Variants in TARBP1 observed in about 807,000 individuals in gnomAD.
TARBP1 encodes tRNA guanosine 2 -O-methyltransferase TARBP1, also known as tRNA (guanosine(18)-2'-O)-methyltransferase TARBP1.
Under a neutral mutation model 178.6 loss-of-function variants are expected in TARBP1, and 144 were observed. The ratio of observed to expected loss-of-function variants is 0.81; its 90% CI spans 0.70 to 0.93. TARBP1 has a LOEUF of 0.93. Among genes scored for constraint, TARBP1 ranks in the 40% least tolerant of loss-of-function variants. The pLI, the probability that TARBP1 is intolerant of heterozygous loss-of-function variation, is 0.00. For missense variants in TARBP1, 2,067 were observed against 2,011.7 expected, an observed-to-expected ratio of 1.03 and a Z score of -0.53; for synonymous variants, 787 against 781.0, an observed-to-expected ratio of 1.01 and a Z score of -0.13.
intron 24 of TARBP1, among the ~76,000 whole-genome samples, chr1:234,403,576 T>C (rs1428135260): frequency 6.6e-6 from 1 of 152,226 alleles, no homozygotes; most frequent in African/African-American, 2.4e-5. Flanking sequence ...AAGAGGCTCA[T>C]CTACCTGGCT....
chr1:234,463,275 C>T (rs1668085552), intron 6 of TARBP1, among the ~76,000 whole-genome samples: 1 of 152,112 alleles, frequency 6.6e-6, no homozygotes, highest in African/African-American at 2.4e-5. Context: ...AGGTACACAC[C>T]ATCATGCCCG....
In TARBP1 at chr1:234,418,939, G is replaced by A. The variant is rs566096741; in HGVS notation, c.3556-706C>T. On this transcript the variant is annotated intron_variant, in intron 21 of 29. Coordinates refer to ENST00000040877, the MANE Select transcript of TARBP1 (RefSeq NM_005646.4). ...TGTAATCCCAGCACTTTGGGAGGCC[G>A]AGGCGGGCGGATCACAAGGTCAGAA... Among the ~76,000 whole-genome samples the A allele has an allele frequency of 9.8e-5, 15 of 152,288 alleles. No homozygotes were observed. In the South Asian group the frequency reaches 1.2e-3, roughly 13 times the overall value.
intron 7 of TARBP1, 118 bp downstream of exon 7, chr1:234,460,143 T>A: frequency 8.5e-7 from 1 of 1,174,434 alleles, no homozygotes; most frequent in Non-Finnish European, 1.2e-6. Flanking sequence ...AGCCCAAACA[T>A]CCCAATCCCA....
At chr1:234,465,379 G>C (rs1421043140) in intron 5 of TARBP1, among the ~76,000 whole-genome samples, 1 of 152,150 alleles carries the variant, frequency 6.6e-6, no homozygotes, top group Non-Finnish European at 1.5e-5. Context: ...AGCAGCAGTA[G>C]GGAGAAGAAA....
At chr1:234,474,904 T>A (rs1461586505) in intron 1 of TARBP1, among the ~76,000 whole-genome samples, 1 of 152,162 alleles carries the variant, frequency 6.6e-6, no homozygotes, top group East Asian at 1.9e-4. Context: ...GCATCAGAAC[T>A]GAGGTCACAA....
rs775156497 is a variant in TARBP1 at position 234,393,438 on chromosome 1, C to T, written c.4484G>A (p.Gly1495Asp). The T allele has an allele frequency of 1.9e-6, 3 of 1,609,938 alleles. No homozygotes were observed. The highest frequency in any genetic ancestry group is 2.7e-5 in the African/African-American group (2 of 74,896). Residue 1495 changes from glycine (G) to aspartate (D), a missense_variant, in exon 28 of 30, where the codon GGC becomes GAC. By Grantham distance (94) the Gly-to-Asp change is moderately conservative (BLOSUM62 -1). Coordinates refer to ENST00000040877, the MANE Select transcript of TARBP1 (RefSeq NM_005646.4). ...EVFGASVLVV[G>D]SLQCISDKQF... Reference sequence around the variant, plus strand: ...TTTGTCGCTGATACACTGAAGGCTGCCAACAACGAGCACTGAAGCCCCAAA... The same window carrying T: ...TTTGTCGCTGATACACTGAAGGCTGTCAACAACGAGCACTGAAGCCCCAAA...
chr1:234,459,627 C>G (rs968185554), intron 7 of TARBP1, among the ~76,000 whole-genome samples: 1 of 152,092 alleles, frequency 6.6e-6, no homozygotes, highest in Non-Finnish European at 1.5e-5. Flanking sequence ...GCCTGGCCAA[C>G]ATGGTGCAAT....
At position 234,391,461 on chromosome 1, in the gene TARBP1, T is replaced by C. The variant is rs1268427827; in HGVS notation, c.*116A>G. The C allele has an allele frequency of 8.2e-7, 1 of 1,219,096 alleles. No individual in the cohort carries two copies. Among genetic ancestry groups the C allele is most frequent in the Non-Finnish European group, 1.1e-6 (1 of 908,192 alleles). 75.5% of individuals were successfully genotyped at this position (1,219,096 alleles called of 1,614,324 possible). A position where few individuals can be genotyped will look rare whatever the true frequency, so the allele number is the denominator to read the frequency against. On this transcript the variant is annotated 3_prime_UTR_variant, in exon 30 of 30. Transcript: ENST00000040877. The stretch of plus-strand genomic sequence containing the variant: ...ACATGGCAAACTTTTGGCATTAAAT[T>C]GCAAGAAAAAAGAAATACAAATTAT...
At chr1:234,465,119 TCAAA>T (rs1668303392) in intron 5 of TARBP1, among the ~76,000 whole-genome samples, 1 of 150,754 alleles carries the variant, frequency 6.6e-6, no homozygotes, top group Non-Finnish European at 1.5e-5. Context: ...AGACAGGCAC[TCAAA>T]CAGATATAAA....
intron 22 of TARBP1, among the ~76,000 whole-genome samples, chr1:234,411,086 T>G (rs964250677): frequency 6.6e-6 from 1 of 151,952 alleles, no homozygotes; most frequent in African/African-American, 2.4e-5. Context: ...AAACATAAAA[T>G]AAAGTACAGT....
intron 12 of TARBP1, among the ~76,000 whole-genome samples, chr1:234,445,891 CAT>C (rs781236141): frequency 1.3e-5 from 2 of 152,066 alleles, no homozygotes; most frequent in South Asian, 2.1e-4. Flanking sequence ...TTCAAGAGCA[CAT>C]GTGACCCAGT....
chr1:234,453,188 A>G (rs1436919055), intron 9 of TARBP1, among the ~76,000 whole-genome samples: 1 of 152,232 alleles, frequency 6.6e-6, no homozygotes, highest in Non-Finnish European at 1.5e-5. Flanking sequence ...CCTTTAGTTC[A>G]TAATAGTAAT....
intron 19 of TARBP1, 64 bp from the exon 20 acceptor site, chr1:234,425,857 T>A: frequency 7.7e-7 from 1 of 1,304,282 alleles, no homozygotes; most frequent in Non-Finnish European, 1.1e-6. Flanking sequence ...ACATCAAATA[T>A]TAGTTTCAAA....
chr1:234,401,227 T>G lies in TARBP1; in HGVS notation c.4025A>C (p.His1342Pro), dbSNP rs1186375494. 5 of 1,613,566 alleles carry G rather than the reference T, an allele frequency of 3.1e-6. No individual in the cohort carries two copies. The South Asian group carries it at 4.4e-5, about 14-fold the overall frequency. Residue 1342 changes from histidine (H) to proline (P), a missense_variant, in exon 25 of 30, where the codon CAT (histidine) becomes CCT (proline). His to Pro is a moderately conservative substitution (Grantham distance 77). Coordinates refer to ENST00000040877, the MANE Select transcript of TARBP1 (RefSeq NM_005646.4). ...TGGGTGAAATGTTGCAAAAAAGAAA[T>G]GCTCCTGAATGCGTTGCCAATTCTT... is the stretch of plus-strand genomic sequence containing the variant. ...AKKNWQRIQE[H>P]FFFATFHPLK...
chr1:234,478,181 T>A lies in TARBP1; in HGVS notation c.923A>T (p.Glu308Val), dbSNP rs1310556178. Residue 308 changes from glutamate (E) to valine (V), a missense_variant, in exon 1 of 30, where the codon GAA becomes GTA. Transcript: ENST00000040877. ...GGCAAAGAGGCAGGTACCGTTTCCTTCCTGGGGCCCGCAGGTGCAGTCGGC... is the reference window on the plus strand; with the variant it reads ...GGCAAAGAGGCAGGTACCGTTTCCTACCTGGGGCCCGCAGGTGCAGTCGGC... The part of the protein sequence containing the change: ...LGADCTCGPQ[E>V]GNGPSLFWWS... 6.2e-7 allele frequency: 1 copy of A among 1,611,836 alleles called. No individual in the cohort carries two copies. Among genetic ancestry groups the A allele is most frequent in the African/African-American group, 1.3e-5 (1 of 75,014 alleles).
At chr1:234,423,769 A>G (rs1339780715) in intron 20 of TARBP1, among the ~76,000 whole-genome samples, 1 of 91,694 alleles carries the variant, frequency 1.1e-5, no homozygotes, top group Non-Finnish European at 2.3e-5. Flanking sequence ...TTTTTTTTTT[A>G]GAGACGTAGT....
chr1:234,391,573 C>A lies in TARBP1; in HGVS notation c.*4G>T. On this transcript the variant is annotated 3_prime_UTR_variant, in exon 30 of 30. Coordinates refer to ENST00000040877, the MANE Select transcript of TARBP1 (RefSeq NM_005646.4). Reference sequence around the variant, plus strand: ...AGCAGCAGCAGTTCACTAAGGAAGGCACATCATGGCTTGGTATCTCCGTGC... The same window carrying A: ...AGCAGCAGCAGTTCACTAAGGAAGGAACATCATGGCTTGGTATCTCCGTGC... The A allele has an allele frequency of 6.3e-7, 1 of 1,598,872 alleles. No individual in the cohort carries two copies. Among genetic ancestry groups the A allele is most frequent in the Non-Finnish European group, 8.5e-7 (1 of 1,170,338 alleles).
rs1664182171 is a variant in TARBP1 at position 234,429,594 on chromosome 1, A to G, written c.2693T>C (p.Phe898Ser). Reference protein sequence around the residue: ...YIHDQWVCLSFLLKKYHTLIP... With the variant: ...YIHDQWVCLSSLLKKYHTLIP... ...AAGGGTGTGATATTTTTTCAACAGG[A>G]AAGAGAGGCACACCCATTGATCATG... Residue 898 changes from phenylalanine (F) to serine (S), a missense_variant, in exon 16 of 30, where the codon TTC becomes TCC. By Grantham distance (155) the Phe-to-Ser change is radical. Coordinates refer to ENST00000040877, the MANE Select transcript of TARBP1 (RefSeq NM_005646.4). The G allele has an allele frequency of 1.2e-6, 2 of 1,614,040 alleles. No homozygotes were observed. The highest frequency in any genetic ancestry group is 2.2e-5 in the East Asian group (1 of 44,900).
chr1:234,476,527 G>A (rs527447217), intron 1 of TARBP1, among the ~76,000 whole-genome samples: 2 of 152,306 alleles, frequency 1.3e-5, no homozygotes, highest in African/African-American at 4.8e-5. Flanking sequence ...TGATTTTGTA[G>A]AGGAAAGATT....
Sources: gnomAD v4.1 joint callset for allele counts (sites outside exome capture counted in the v4.1 genomes callset) on GRCh38, gnomAD v4.1.1 for gene constraint, MANE v1.5 for transcripts, NCBI Gene and HGNC (gene_info 2026-07-23, HGNC 2026-07-21) for gene names.